Variants in ESRRB observed in about 807,000 individuals in gnomAD.
ESRRB encodes steroid hormone receptor ERR2.
In ESRRB, 16 loss-of-function variants were observed where a neutral mutation model predicts 46.0. That is an observed-to-expected ratio of 0.35 (90% CI 0.24 to 0.53). ESRRB has a LOEUF of 0.53. Among genes scored for constraint, ESRRB ranks in the 20% least tolerant of loss-of-function variants. The pLI, the probability that ESRRB is intolerant of heterozygous loss-of-function variation, is 0.93. For missense variants in ESRRB, 488 were observed against 607.4 expected, an observed-to-expected ratio of 0.80 and a Z score of 2.07; for synonymous variants, 246 against 259.6, an observed-to-expected ratio of 0.95 and a Z score of 0.50.
chr14:76,464,423 C>A (rs1889020286), intron 3 of ESRRB, among the ~76,000 whole-genome samples: 1 of 152,238 alleles, frequency 6.6e-6, no homozygotes, highest in Non-Finnish European at 1.5e-5. Flanking sequence ...CTTCCGTTTA[C>A]CATTTCCAGG....
At chr14:76,439,885 C>A in intron 2 of ESRRB, 135 bp downstream of exon 2, 1 of 950,790 alleles carries the variant, frequency 1.1e-6, no homozygotes, top group Non-Finnish European at 1.5e-6. Context: ...CTGTGGGGCG[C>A]CTTTTCCCTT....
At chr14:76,489,196 C>T (rs539593388) in intron 5 of ESRRB, among the ~76,000 whole-genome samples, 3 of 152,154 alleles carry the variant, frequency 2.0e-5, no homozygotes, top group South Asian at 2.1e-4. Flanking sequence ...CTGCCCTCCT[C>T]CTCCATCTCC....
At chr14:76,448,909 A>C (rs945402774) in intron 2 of ESRRB, among the ~76,000 whole-genome samples, 1 of 150,486 alleles carries the variant, frequency 6.6e-6, no homozygotes, top group Non-Finnish European at 1.5e-5. Flanking sequence ...TATTTTTGAA[A>C]AGTTGTTTTT....
At chr14:76,334,944 C>G (rs1884108845) in intron 1 of ESRRB, among the ~76,000 whole-genome samples, 1 of 152,152 alleles carries the variant, frequency 6.6e-6, no homozygotes, top group Non-Finnish European at 1.5e-5. Flanking sequence ...GAGGTGACTC[C>G]TAGGCCCGAG....
At chr14:76,447,627 T>C (rs1888207669) in intron 2 of ESRRB, among the ~76,000 whole-genome samples, 1 of 152,160 alleles carries the variant, frequency 6.6e-6, no homozygotes, top group Non-Finnish European at 1.5e-5. Context: ...CATTTCTCCT[T>C]GTGTTCCCAA....
intron 1 of ESRRB, among the ~76,000 whole-genome samples, chr14:76,421,853 T>C (rs1057253920): frequency 2.6e-5 from 4 of 152,034 alleles, no homozygotes; most frequent in African/African-American, 9.7e-5. Context: ...AGGGAGGGTG[T>C]GGTTGGGCGC....
intron 2 of ESRRB, among the ~76,000 whole-genome samples, chr14:76,444,089 T>A (rs1888032216): frequency 6.6e-6 from 1 of 151,462 alleles, no homozygotes; most frequent in Non-Finnish European, 1.5e-5. Context: ...TGAGACAGAG[T>A]CTCGCTCTGT....
intron 3 of ESRRB, among the ~76,000 whole-genome samples, chr14:76,474,057 AGGCAGCCATCAGACCCACTGG>A (rs1275266903): frequency 1.7e-4 from 26 of 152,372 alleles, no homozygotes; most frequent in South Asian, 1.2e-3. Context: ...AGTTGGACAA[AGGCAGCCATCAGACCCACTGG>A]CATATTCCAG....
chr14:76,317,158 G>A (rs1422403450), intron 1 of ESRRB, among the ~76,000 whole-genome samples: 1 of 122,622 alleles, frequency 8.2e-6, no homozygotes, highest in Non-Finnish European at 2.0e-5. Context: ...TTGGAAGACA[G>A]GGGATAAAAA....
upstream of ESRRB, among the ~76,000 whole-genome samples, chr14:76,373,348 G>A (rs1884668737): frequency 6.6e-6 from 1 of 151,972 alleles, no homozygotes; most frequent in African/African-American, 2.4e-5. Flanking sequence ...CTCCACCCCT[G>A]TACAGCCTCT....
At position 76,376,234 on chromosome 14, in the gene ESRRB, C is replaced by A. The variant is rs1185772871; in HGVS notation, c.-168C>A. 1.2e-5 allele frequency: 5 copies of A among 411,432 alleles called. No individual in the cohort carries two copies. The highest frequency in any genetic ancestry group is 2.1e-5 in the Non-Finnish European group (5 of 239,316). The allele number at this position is 411,432 out of a possible 1,614,324, so 25.5% of individuals were successfully genotyped here. A position where few individuals can be genotyped will look rare whatever the true frequency, so the allele number is the denominator to read the frequency against. ...AGTGGAGAGCTGGGCTGTGCGCGCACGGCTCTCTGCCTCCCTCTCCCCCGC... is the reference window on the plus strand; with the variant it reads ...AGTGGAGAGCTGGGCTGTGCGCGCAAGGCTCTCTGCCTCCCTCTCCCCCGC... On this transcript the variant is annotated 5_prime_UTR_variant, in exon 1 of 7. Coordinates refer to ENST00000644823, the MANE Select transcript of ESRRB (RefSeq NM_001379180.1). This position sits in a 1 kb window ranked among gnomAD's most constrained non-coding sequence, Gnocchi z 4.1.
At chr14:76,469,446 G>A (rs1041169061) in intron 3 of ESRRB, among the ~76,000 whole-genome samples, 4 of 152,044 alleles carry the variant, frequency 2.6e-5, no homozygotes, top group South Asian at 2.1e-4. Context: ...CAGCATCATC[G>A]AATTCTCTCT....
chr14:76,409,527 A>G (rs1198876012), intron 1 of ESRRB, among the ~76,000 whole-genome samples: 1 of 150,446 alleles, frequency 6.6e-6, no homozygotes, highest in East Asian at 2.0e-4. Context: ...GACTTGGTTT[A>G]AAGATCTCAG....
chr14:76,463,462 T>TTTTTTTTTTTTTTTTTTTTA (rs1888974042), intron 3 of ESRRB: 1 of 144,550 alleles, frequency 6.9e-6, no homozygotes, highest in African/African-American at 2.6e-5. Flanking sequence ...TTTTTTTTTT[T>TTTTTTTTTTTTTTTTTTTTA]TGGAGACGGA....
intron 1 of ESRRB, among the ~76,000 whole-genome samples, chr14:76,430,992 T>A (rs1309237903): frequency 6.6e-6 from 1 of 152,144 alleles, no homozygotes; most frequent in Non-Finnish European, 1.5e-5. Flanking sequence ...ATCCTTGAGA[T>A]TCCAGCGTAA....
chr14:76,368,172 A>G (rs1595056377), upstream of ESRRB, among the ~76,000 whole-genome samples: 5 of 127,840 alleles, frequency 3.9e-5, no homozygotes, highest in Admixed American at 4.5e-4. Context: ...ACGGGGTTTC[A>G]CCGTGTTAAC....
Position 76,491,693 on chromosome 14 carries a change from A to G in ESRRB, c.1097A>G (p.Lys366Arg). The change falls in exon 6 of 7, where the codon AAG becomes AGG. Residue 366 changes from lysine to arginine, a missense_variant. Coordinates refer to ENST00000644823, the MANE Select transcript of ESRRB (RefSeq NM_001379180.1). ...KVEKEEFVTL[K>R]ALALANSDSM... ...GAGAAGGAGGAGTTTGTGACGCTCA[A>G]GGCCCTGGCCCTCGCCAACTCCGGT... is the stretch of plus-strand genomic sequence containing the variant. 1 of 1,584,148 alleles carries G rather than the reference A, an allele frequency of 6.3e-7. No homozygotes were observed. The highest frequency in any genetic ancestry group is 1.3e-5 in the African/African-American group (1 of 74,874).
At chr14:76,435,845 A>G (rs2139924327) in intron 1 of ESRRB, among the ~76,000 whole-genome samples, 1 of 152,284 alleles carries the variant, frequency 6.6e-6, no homozygotes, top group Non-Finnish European at 1.5e-5. Context: ...ACAAAAAACA[A>G]AACAAAACAA....
chr14:76,359,201 G>A (rs1254232408), intron 1 of ESRRB, among the ~76,000 whole-genome samples: 2 of 152,196 alleles, frequency 1.3e-5, no homozygotes, highest in Non-Finnish European at 2.9e-5. Context: ...CTGGCACTAT[G>A]ATCTGTGCAG....
Sources: gnomAD v4.1 joint callset for allele counts (sites outside exome capture counted in the v4.1 genomes callset) on GRCh38, gnomAD v4.1.1 for gene constraint, Gnocchi (gnomAD v3.1) non-coding constraint, MANE v1.5 for transcripts, NCBI Gene and HGNC (gene_info 2026-07-23, HGNC 2026-07-21) for gene names.